The following HECW1 variants were observed in gnomAD, a reference collection of about 807,000 sequenced individuals.
HECW1 encodes the protein E3 ubiquitin-protein ligase HECW1.
In HECW1, 61 loss-of-function variants were observed where a neutral mutation model predicts 182.3. That is an observed-to-expected ratio of 0.33 (90% confidence interval 0.27 to 0.41). The LOEUF (loss-of-function observed/expected upper bound fraction) is 0.41, where lower values mean the gene tolerates loss of function less well. Ranked by LOEUF, HECW1 falls within the 10% of genes least tolerant of loss-of-function variation. The pLI, the probability that HECW1 is intolerant of heterozygous loss-of-function variation, is 1.00. For synonymous variants in HECW1, 859 were observed against 832.6 expected (o/e 1.03, Z -0.55); for missense variants, 1,739 against 2,108.9 (o/e 0.82, Z 3.44).
chr7:43,395,854 A>G (rs780636709), intron 6 of HECW1, among the ~76,000 whole-genome samples: 38 of 152,320 alleles, frequency 2.5e-4, no homozygotes, highest in Middle Eastern at 3.4e-3. Flanking sequence ...TGAATATCCA[A>G]TCACAACCTA....
At chr7:43,255,370 G>A (rs1417130696) in intron 3 of HECW1, among the ~76,000 whole-genome samples, 3 of 152,112 alleles carry the variant, frequency 2.0e-5, no homozygotes, top group African/African-American at 7.2e-5. Context: ...AGGCTGAGGT[G>A]GGTGGATCAC....
chr7:43,536,907 C>T (rs2081196238), intron 24 of HECW1, among the ~76,000 whole-genome samples: 1 of 152,170 alleles, frequency 6.6e-6, no homozygotes, highest in Admixed American at 6.5e-5. Flanking sequence ...GAGCACAGGC[C>T]AGGAAAAAGC....
chr7:43,470,613 G>A (rs2077980313), intron 16 of HECW1, among the ~76,000 whole-genome samples: 1 of 152,184 alleles, frequency 6.6e-6, no homozygotes, highest in South Asian at 2.1e-4. Context: ...GGGAATTTCT[G>A]ACAAGACCTC....
chr7:43,114,440 TA>T, intron 2 of HECW1, 49 bp downstream of exon 2: 1 of 1,319,718 alleles, frequency 7.6e-7, no homozygotes. Flanking sequence ...TGTTTTCCAC[TA>T]AGAAGGGATT....
In HECW1 at chr7:43,554,637, T is replaced by C. The variant is rs1164562246; in HGVS notation, c.4556T>C (p.Val1519Ala). The change falls in exon 29 of 30, where the codon GTG (valine) becomes GCG (alanine). Residue 1519 changes from valine to alanine, a missense_variant. Coordinates refer to ENST00000395891, the MANE Select transcript of HECW1 (RefSeq NM_015052.5). ...HLVIRWFWAAVERFNNEQRLR... is the reference protein window; with the variant it reads ...HLVIRWFWAAAERFNNEQRLR... ...GTGATCCGCTGGTTCTGGGCTGCGG[T>C]GGAGCGCTTCAATAATGAGCAGAGG... The C allele has an allele frequency of 1.2e-6, 2 of 1,613,772 alleles. No individual in the cohort carries two copies. The highest frequency in any genetic ancestry group is 1.7e-6 in the Non-Finnish European group (2 of 1,179,884).
intron 6 of HECW1, among the ~76,000 whole-genome samples, chr7:43,370,670 TA>T (rs948289965): frequency 6.6e-6 from 1 of 150,684 alleles, no homozygotes; most frequent in African/African-American, 2.4e-5. Flanking sequence ...TATTCAGTAC[TA>T]AAAAAAAATG....
chr7:43,477,343 C>T (rs2152905307), intron 16 of HECW1, among the ~76,000 whole-genome samples: 1 of 152,188 alleles, frequency 6.6e-6, no homozygotes, highest in Non-Finnish European at 1.5e-5. Context: ...TAAACAATTG[C>T]CACAGATACA....
chr7:43,171,637 T>TA (rs779512877), intron 2 of HECW1, among the ~76,000 whole-genome samples: 2 of 152,224 alleles, frequency 1.3e-5, no homozygotes, highest in Non-Finnish European at 2.9e-5. Flanking sequence ...AAGGGGCGTT[T>TA]AGCTCATATC....
At chr7:43,119,623 G>A (rs535689128) in intron 2 of HECW1, among the ~76,000 whole-genome samples, 6 of 152,142 alleles carry the variant, frequency 3.9e-5, no homozygotes, top group Admixed American at 6.5e-5. Context: ...AAATGCAACC[G>A]CCCAGCATCT....
chr7:43,244,571 A>G (rs1255797488), intron 3 of HECW1, among the ~76,000 whole-genome samples: 2 of 152,138 alleles, frequency 1.3e-5, no homozygotes, highest in Non-Finnish European at 2.9e-5. Context: ...GCTCCCCATG[A>G]GCTCCTCTCC....
At chr7:43,245,582 A>T (rs920608988) in intron 3 of HECW1, 1 of 152,208 alleles carries the variant, frequency 6.6e-6, no homozygotes, top group Non-Finnish European at 1.5e-5. Context: ...CCTGGAACCA[A>T]ACAGCAAAGC....
chr7:43,342,119 C>T (rs768904455), intron 5 of HECW1, among the ~76,000 whole-genome samples: 4 of 151,758 alleles, frequency 2.6e-5, no homozygotes, highest in South Asian at 2.1e-4. Flanking sequence ...ACCAGACTCA[C>T]GCCTGAAAAG....
chr7:43,124,789 CA>C (rs1450580575), intron 2 of HECW1, among the ~76,000 whole-genome samples: 1 of 152,078 alleles, frequency 6.6e-6, no homozygotes, highest in Non-Finnish European at 1.5e-5. Flanking sequence ...CTAAGCAAAC[CA>C]AAAGATTGTG....
Position 43,492,003 on chromosome 7 carries a change from G to GA in HECW1, c.3235-67dup, listed in dbSNP as rs1310566751. On this transcript the variant is annotated intron_variant, in intron 17 of 29. Transcript: ENST00000395891. ...TTCAAAATCTTTTACCCCTTAGGTT[G>GA]AAAAACTGGTATCAAGAGACATCTG... 3.6e-6 allele frequency: 4 copies of GA among 1,113,422 alleles called. No individual in the cohort carries two copies. The African/African-American group carries it at 4.7e-5, about 13-fold the overall frequency. 69.0% of individuals were successfully genotyped at this position (1,113,422 alleles called of 1,614,324 possible).
intron 8 of HECW1, among the ~76,000 whole-genome samples, chr7:43,411,780 C>T (rs1025265156): frequency 1.3e-4 from 20 of 152,160 alleles, no homozygotes; most frequent in Admixed American, 6.5e-4. Context: ...TATAGCCACT[C>T]CAGCCTCCCT....
At chr7:43,134,244 A>C (rs1787267226) in intron 2 of HECW1, among the ~76,000 whole-genome samples, 1 of 151,798 alleles carries the variant, frequency 6.6e-6, no homozygotes, top group South Asian at 2.1e-4. Flanking sequence ...AAATGCAAAA[A>C]GTAGCCGGGC....
rs754256961 is a variant in HECW1 at position 43,444,742 on chromosome 7, C to T, written c.1570C>T (p.Leu524=). ...TLEQGEGRLQ[L]RASVKRKSRP... ...GGAGCAGGGAGAGGGCAGGCTGCAG[C>T]TGCGGGCCTCGGTGAAGAGAAAAAG... is the stretch of plus-strand genomic sequence containing the variant. Residue 524 remains leucine (L), a synonymous_variant, in exon 11 of 30, where the codon CTG becomes TTG. Coordinates refer to ENST00000395891, the MANE Select transcript of HECW1 (RefSeq NM_015052.5). The surrounding 1 kb of genome is among the most constrained non-coding windows in gnomAD (Gnocchi z 4.3). 1 of 1,613,656 alleles carries T rather than the reference C, an allele frequency of 6.2e-7. No homozygotes were observed. The highest frequency in any genetic ancestry group is 2.2e-5 in the East Asian group (1 of 44,858).
chr7:43,371,775 T>C (rs1181522002), intron 6 of HECW1, among the ~76,000 whole-genome samples: 1 of 152,102 alleles, frequency 6.6e-6, no homozygotes, highest in Non-Finnish European at 1.5e-5. Flanking sequence ...GGGGAGCAGA[T>C]TGTGATTATG....
At chr7:43,449,483 A>T (rs867501057) in intron 11 of HECW1, among the ~76,000 whole-genome samples, 5 of 152,248 alleles carry the variant, frequency 3.3e-5, no homozygotes, top group Admixed American at 6.5e-5. Context: ...ATTAAATCAC[A>T]AAATTAAACC....
Sources: gnomAD v4.1 joint callset for allele counts (sites outside exome capture counted in the v4.1 genomes callset) on GRCh38, gnomAD v4.1.1 for gene constraint, Gnocchi (gnomAD v3.1) non-coding constraint, MANE v1.5 for transcripts, NCBI Gene and HGNC (gene_info 2026-07-23, HGNC 2026-07-21) for gene names.